KCNH7: variants seen among roughly 807,000 people sequenced by gnomAD.
KCNH7 encodes the protein potassium voltage-gated channel subfamily H member 7.
In KCNH7, 49 loss-of-function variants were observed where a neutral mutation model predicts 120.8. The ratio of observed to expected loss-of-function variants is 0.41; its 90% confidence interval spans 0.32 to 0.51. KCNH7 has a LOEUF of 0.51. Among genes scored for constraint, KCNH7 ranks in the 20% least tolerant of loss-of-function variants. The probability of loss-of-function intolerance (pLI) is 0.38; values close to 1 mark genes in which losing one functional copy is unlikely to be tolerated. For missense variants in KCNH7, 1,097 were observed against 1,446.6 expected, an observed-to-expected ratio of 0.76 and a Z score of 3.92; for synonymous variants, 547 against 516.1, an observed-to-expected ratio of 1.06 and a Z score of -0.81.
At position 162,459,655 on chromosome 2, in the gene KCNH7, A is replaced by G. The variant is rs574169110; in HGVS notation, c.1129-13212T>C. On this transcript the variant is annotated intron_variant, in intron 6 of 15. Transcript: ENST00000332142. ...CAAATGTAGGAAAGCTGGGTCACCA[A>G]ATTGAGAACTGATGTTAACAATGAA... Among the ~76,000 whole-genome samples, 16 of 152,294 alleles carry G rather than the reference A, an allele frequency of 1.1e-4. No homozygotes were observed. In the South Asian group the frequency reaches 3.3e-3, roughly 32 times the overall value.
At chr2:162,744,292 T>A (rs1033792800) in intron 2 of KCNH7, among the ~76,000 whole-genome samples, 3 of 152,216 alleles carry the variant, frequency 2.0e-5, no homozygotes, top group Non-Finnish European at 4.4e-5. Flanking sequence ...CTTGATAGCA[T>A]TTTTATTGTA....
chr2:162,659,309 T>C (rs1684874971), intron 2 of KCNH7, among the ~76,000 whole-genome samples: 1 of 152,176 alleles, frequency 6.6e-6, no homozygotes, highest in Non-Finnish European at 1.5e-5. Context: ...TATTGCATAC[T>C]GGAATATAGT....
At chr2:162,665,969 G>A (rs1319258547) in intron 2 of KCNH7, among the ~76,000 whole-genome samples, 2 of 152,136 alleles carry the variant, frequency 1.3e-5, no homozygotes, top group Non-Finnish European at 1.5e-5. Context: ...ATATAACACT[G>A]ATAGCGATTC....
intron 2 of KCNH7, among the ~76,000 whole-genome samples, chr2:162,631,480 C>T (rs1242196337): frequency 1.3e-5 from 2 of 152,006 alleles, no homozygotes; most frequent in African/African-American, 2.4e-5. Context: ...GTATTTAACT[C>T]TTAAGAGTAA....
chr2:162,689,720 G>A (rs1016539111), intron 2 of KCNH7, among the ~76,000 whole-genome samples: 4 of 152,014 alleles, frequency 2.6e-5, no homozygotes, highest in African/African-American at 9.7e-5. Flanking sequence ...AGATTTAACT[G>A]AACTTTGCAT....
intron 9 of KCNH7, among the ~76,000 whole-genome samples, chr2:162,407,444 G>C (rs1278572390): frequency 1.3e-5 from 2 of 151,998 alleles, no homozygotes; most frequent in Non-Finnish European, 2.9e-5. Flanking sequence ...TCCAAATTAA[G>C]TCAGGGCCAA....
chr2:162,446,501 A>G lies in KCNH7; in HGVS notation c.1129-58T>C, dbSNP rs1688584192. The G allele has an allele frequency of 1.3e-5, 16 of 1,278,302 alleles. No individual in the cohort carries two copies. In the East Asian group the frequency reaches 3.4e-4, roughly 27 times the overall value. The allele number at this position is 1,278,302 out of a possible 1,614,324, so 79.2% of individuals were successfully genotyped here. A position where few individuals can be genotyped will look rare whatever the true frequency, so the allele number is the denominator to read the frequency against. The stretch of plus-strand genomic sequence containing the variant: ...AAATATGCCATTTTTAATCTGGTAA[A>G]CCTATCAAATATTAAGGGAACTAAT... On this transcript the variant is annotated intron_variant, in intron 6 of 15. Transcript: ENST00000332142.
At chr2:162,823,968 A>T (rs1052302367) in intron 2 of KCNH7, among the ~76,000 whole-genome samples, 8 of 152,274 alleles carry the variant, frequency 5.3e-5, no homozygotes, top group Admixed American at 1.3e-4. Context: ...ATTAATTTTC[A>T]TTTCTGTAGC....
At chr2:162,416,563 G>T (rs1687547507) in intron 9 of KCNH7, among the ~76,000 whole-genome samples, 1 of 152,120 alleles carries the variant, frequency 6.6e-6, no homozygotes, top group African/African-American at 2.4e-5. Context: ...CCTTTGTGGA[G>T]AGTGAGTATT....
At chr2:162,611,067 A>G (rs2105971464) in intron 2 of KCNH7, among the ~76,000 whole-genome samples, 1 of 152,308 alleles carries the variant, frequency 6.6e-6, no homozygotes, top group Non-Finnish European at 1.5e-5. Flanking sequence ...AGAAAACTTC[A>G]GGCAGTTCTC....
At chr2:162,447,090 C>A (rs1376451447) in intron 6 of KCNH7, among the ~76,000 whole-genome samples, 1 of 151,976 alleles carries the variant, frequency 6.6e-6, no homozygotes, top group East Asian at 1.9e-4. Flanking sequence ...GCATTCCAAC[C>A]CTTCCATCAC....
At position 162,838,690 on chromosome 2, in the gene KCNH7, A is replaced by C; in HGVS notation, c.-172T>G. 2.4e-6 allele frequency: 1 copy of C among 413,468 alleles called. No homozygotes were observed. The highest frequency in any genetic ancestry group is 4.4e-6 in the Non-Finnish European group (1 of 225,620). The allele number at this position is 413,468 out of a possible 1,614,324, so 25.6% of individuals were successfully genotyped here. A position where few individuals can be genotyped will look rare whatever the true frequency, so the allele number is the denominator to read the frequency against. On this transcript the variant is annotated 5_prime_UTR_variant, in exon 1 of 16. Coordinates refer to ENST00000332142, the MANE Select transcript of KCNH7 (RefSeq NM_033272.4). ...CCACTTCTAGACACCCGCTTTCCCCACCGGAGTCCAATCCATTCCCCTCAC... is the reference window on the plus strand; with the variant it reads ...CCACTTCTAGACACCCGCTTTCCCCCCCGGAGTCCAATCCATTCCCCTCAC...
At chr2:162,721,861 A>C (rs1329853622) in intron 2 of KCNH7, among the ~76,000 whole-genome samples, 1 of 152,132 alleles carries the variant, frequency 6.6e-6, no homozygotes, top group Non-Finnish European at 1.5e-5. Context: ...TGTTTCAATG[A>C]AGGAAAAATG....
intron 2 of KCNH7, among the ~76,000 whole-genome samples, chr2:162,656,866 C>T (rs1459798666): frequency 2.0e-5 from 3 of 152,138 alleles, no homozygotes; most frequent in Non-Finnish European, 4.4e-5. Flanking sequence ...TCAAGCATTG[C>T]AAATTCAAAT....
chr2:162,687,476 G>C (rs1685937484), intron 2 of KCNH7, among the ~76,000 whole-genome samples: 2 of 151,960 alleles, frequency 1.3e-5, no homozygotes, highest in South Asian at 2.1e-4. Flanking sequence ...ATATGCCTTT[G>C]GGTTATGTAT....
intron 2 of KCNH7, among the ~76,000 whole-genome samples, chr2:162,624,628 A>G (rs1683481281): frequency 6.6e-6 from 1 of 152,156 alleles, no homozygotes. Context: ...AAAATGTAAT[A>G]GACACGTCCT....
At chr2:162,666,415 A>AT (rs1184906444) in intron 2 of KCNH7, among the ~76,000 whole-genome samples, 1 of 151,436 alleles carries the variant, frequency 6.6e-6, no homozygotes, top group Admixed American at 6.6e-5. Flanking sequence ...ACTTTTGAGA[A>AT]TTCTCACTGC....
In KCNH7 at chr2:162,763,899, G is replaced by A. The variant is rs74765283; in HGVS notation, c.307+72638C>T. 2.4e-3 allele frequency among the ~76,000 whole-genome samples: 370 copies of A among 152,106 alleles called. 14 individuals are homozygous for A. In the South Asian group the frequency reaches 0.046, roughly 19 times the overall value. ...GCTATTTTGCCTTTGTGTAAACAAT[G>A]TGACAAATACCATAACAAATTGATG... On this transcript the variant is annotated intron_variant, in intron 2 of 15. Coordinates refer to ENST00000332142, the MANE Select transcript of KCNH7 (RefSeq NM_033272.4).
At chr2:162,527,509 G>A (rs935151081) in intron 3 of KCNH7, among the ~76,000 whole-genome samples, 12 of 151,952 alleles carry the variant, frequency 7.9e-5, no homozygotes, top group South Asian at 2.1e-4. Context: ...ACAAATTTGA[G>A]GAAGTAATGT....
Sources: gnomAD v4.1 joint callset for allele counts (sites outside exome capture counted in the v4.1 genomes callset) on GRCh38, gnomAD v4.1.1 for gene constraint, MANE v1.5 for transcripts, NCBI Gene and HGNC (gene_info 2026-07-23, HGNC 2026-07-21) for gene names.